The following ANKRD42 variants were observed in gnomAD, a reference collection of about 807,000 sequenced individuals.
The protein encoded by ANKRD42 is ankyrin repeat domain 42.
A neutral mutation model predicts 51.5 loss-of-function variants in ANKRD42; 43 were observed. That is an observed-to-expected ratio of 0.83 (90% CI 0.65 to 1.08). ANKRD42 has a LOEUF of 1.08. Among genes scored for constraint, ANKRD42 ranks in the 50% least tolerant of loss-of-function variants. ANKRD42 has a pLI of 0.00. For synonymous variants in ANKRD42, 203 were observed against 213.0 expected (o/e 0.95, Z 0.41); for missense variants, 608 against 629.3 (o/e 0.97, Z 0.36).
At chr11:83,207,977 C>T (rs1288634648) in intron 3 of ANKRD42, among the ~76,000 whole-genome samples, 1 of 151,992 alleles carries the variant, frequency 6.6e-6, no homozygotes, top group Non-Finnish European at 1.5e-5. Context: ...GAGTTTTTCC[C>T]CCCCTCCTCA....
chr11:83,236,389 C>T lies in ANKRD42; in HGVS notation c.914-15C>T. On this transcript the variant is annotated splice_polypyrimidine_tract_variant and intron_variant, in intron 7 of 10. Transcript: ENST00000533342. ...TTTGTGTGTAATTCCTGTTCTTTTT[C>T]CTTTTTTTGAACAGCTGCTGGACAA... 1 of 1,578,108 alleles carries T rather than the reference C, an allele frequency of 6.3e-7. No homozygotes were observed. Among genetic ancestry groups the T allele is most frequent in the Admixed American group, 2.0e-5 (1 of 51,208 alleles).
Position 83,200,078 on chromosome 11 carries a change from T to A in ANKRD42, c.222+1436T>A, listed in dbSNP as rs947468154. On this transcript the variant is annotated intron_variant, in intron 2 of 10. Transcript: ENST00000533342. The stretch of plus-strand genomic sequence containing the variant: ...TTTCATCTAGTTGGAGTTTTCTGGG[T>A]TTTTTTGCTCTTTGCTTTTGGGTGA... Among the ~76,000 whole-genome samples the A allele has an allele frequency of 5.9e-5, 9 of 152,104 alleles. No homozygotes were observed. The East Asian group carries it at 1.7e-3, about 29-fold the overall frequency.
intron 5 of ANKRD42, among the ~76,000 whole-genome samples, chr11:83,220,137 C>A (rs1404198459): frequency 6.6e-6 from 1 of 152,180 alleles, no homozygotes; most frequent in African/African-American, 2.4e-5. Flanking sequence ...ATCTGGGAGA[C>A]TAAGACGTCC....
intron 1 of ANKRD42, 44 bp from the exon 2 acceptor site, chr11:83,198,435 T>C: frequency 1.3e-6 from 2 of 1,539,630 alleles, no homozygotes; most frequent in Non-Finnish European, 1.8e-6. Context: ...TTTTTTTCTT[T>C]CATAGTTTTG....
rs1468907304 is a variant in ANKRD42 at position 83,194,253 on chromosome 11, A to G, written c.-418A>G. ...TCCGCCTCAGTGGTCCTTGGGAGGG[A>G]GTCAGTGACATTCGGGACCCGCGAA... On this transcript the variant is annotated 5_prime_UTR_variant, in exon 1 of 11. Transcript: ENST00000533342. 2.1e-6 allele frequency: 1 copy of G among 466,672 alleles called. No homozygotes were observed. Among genetic ancestry groups the G allele is most frequent in the South Asian group, 1.5e-5 (1 of 64,636 alleles). The allele number at this position is 466,672 out of a possible 1,614,324, so 28.9% of individuals were successfully genotyped here.
chr11:83,260,770 T>G (rs2135575888), downstream of ANKRD42: 1 of 152,328 alleles, frequency 6.6e-6, no homozygotes, highest in South Asian at 2.1e-4. Flanking sequence ...AAAATTTCTT[T>G]GAAATTACAT....
chr11:83,236,425 A>G lies in ANKRD42; in HGVS notation c.935A>G (p.Glu312Gly). 6.2e-7 allele frequency: 1 copy of G among 1,610,924 alleles called. No homozygotes were observed. The highest frequency in any genetic ancestry group is 8.5e-7 in the Non-Finnish European group (1 of 1,178,882). The change falls in exon 8 of 11, where the codon GAG becomes GGG. Residue 312 changes from glutamate (E) to glycine (G), a missense_variant. By Grantham distance (98) the Glu-to-Gly change is moderately conservative. Transcript: ENST00000533342. ...MHKAAGQGHI[E>G]CLQWLIKMGA... is the part of the protein sequence containing the mutation. ...ACAGCTGCTGGACAAGGCCACATAG[A>G]GTGTTTGCAGTGGTTAATTAAAATG...
chr11:83,209,282 T>C (rs963609113), intron 3 of ANKRD42: 2 of 659,692 alleles, frequency 3.0e-6, no homozygotes, highest in Admixed American at 2.4e-5. Context: ...ATATTATAAG[T>C]GTCTTCTAGG....
chr11:83,244,574 C>T (rs183775085), intron 9 of ANKRD42, among the ~76,000 whole-genome samples: 1 of 152,220 alleles, frequency 6.6e-6, no homozygotes, highest in East Asian at 1.9e-4. Flanking sequence ...GCATCCTGAG[C>T]CTTCACTTAC....
At chr11:83,205,202 G>A (rs1305247291) in intron 2 of ANKRD42, among the ~76,000 whole-genome samples, 2 of 152,196 alleles carry the variant, frequency 1.3e-5, no homozygotes, top group East Asian at 1.9e-4. Flanking sequence ...CATGAATGTC[G>A]ACAGTGGCTT....
rs528986967 is a variant in ANKRD42 at position 83,200,354 on chromosome 11, T to C, written c.222+1712T>C. On this transcript the variant is annotated intron_variant, in intron 2 of 10. Transcript: ENST00000533342. ...TTATCGCTTCTACATAATTCATTTA[T>C]TTGCTCTCTCTCCTGACTTTTGGAT... 9.2e-5 allele frequency among the ~76,000 whole-genome samples: 14 copies of C among 152,330 alleles called. No homozygotes were observed. The South Asian group carries it at 2.5e-3, about 27-fold the overall frequency.
downstream of ANKRD42, among the ~76,000 whole-genome samples, chr11:83,264,026 T>C (rs1336568432): frequency 3.3e-5 from 5 of 152,226 alleles, no homozygotes; most frequent in African/African-American, 1.2e-4. Flanking sequence ...GCATATCTTT[T>C]TGACCCCAAA....
intron 3 of ANKRD42, 34 bp downstream of exon 3, chr11:83,206,199 A>C (rs754931918): frequency 6.7e-7 from 1 of 1,484,630 alleles, no homozygotes; most frequent in South Asian, 1.1e-5. Context: ...AAGTTCAATT[A>C]CTTTAACATA....
At chr11:83,258,357 GGTT>G (rs1372654515), downstream of ANKRD42, among the ~76,000 whole-genome samples, 1 of 151,242 alleles carries the variant, frequency 6.6e-6, no homozygotes, top group Non-Finnish European at 1.5e-5. Flanking sequence ...AAAAAAAAAA[GGTT>G]ATTAAAGAGA....
chr11:83,208,973 A>T (rs1435291584), intron 3 of ANKRD42, among the ~76,000 whole-genome samples: 1 of 152,142 alleles, frequency 6.6e-6, no homozygotes, highest in Non-Finnish European at 1.5e-5. Flanking sequence ...GAAGCCAATT[A>T]CTCTGGATAT....
intron 9 of ANKRD42, among the ~76,000 whole-genome samples, chr11:83,241,531 A>G (rs1425809016): frequency 6.6e-6 from 1 of 152,006 alleles, no homozygotes; most frequent in Non-Finnish European, 1.5e-5. Context: ...AGAACGTGCC[A>G]GCAGAGGGAG....
At chr11:83,246,715 C>T (rs1191883718) in intron 10 of ANKRD42, among the ~76,000 whole-genome samples, 1 of 152,196 alleles carries the variant, frequency 6.6e-6, no homozygotes, top group Non-Finnish European at 1.5e-5. Flanking sequence ...TTTCCTCCAC[C>T]TGTTTCCAAA....
chr11:83,231,725 T>C (rs911404418), intron 7 of ANKRD42, among the ~76,000 whole-genome samples: 25 of 152,342 alleles, frequency 1.6e-4, no homozygotes, highest in Admixed American at 6.5e-4. Context: ...GACTCGATTT[T>C]TGTATATGGT....
chr11:83,215,215 TG>T (rs1862485711), intron 5 of ANKRD42: 2 of 152,208 alleles, frequency 1.3e-5, no homozygotes, highest in African/African-American at 2.4e-5. Context: ...TTTGATACAT[TG>T]TTTTTTTTTC....
Sources: gnomAD v4.1 joint callset for allele counts (sites outside exome capture counted in the v4.1 genomes callset) on GRCh38, gnomAD v4.1.1 for gene constraint, MANE v1.5 for transcripts, NCBI Gene and HGNC (gene_info 2026-07-23, HGNC 2026-07-21) for gene names.